The following MAF variants were observed in gnomAD, a reference collection of about 807,000 sequenced individuals.
MAF encodes the protein MAF bZIP transcription factor.
In MAF, 10 loss-of-function variants were observed where a neutral mutation model predicts 22.0. The observed-to-expected ratio is 0.45, with a 90% CI of 0.28 to 0.77. The LOEUF (loss-of-function observed/expected upper bound fraction) is 0.77, where lower values mean the gene tolerates loss of function less well. Ranked by LOEUF, MAF falls within the 30% of genes least tolerant of loss-of-function variation. The probability of loss-of-function intolerance (pLI) is 0.12; values close to 1 mark genes in which losing one functional copy is unlikely to be tolerated. For missense variants in MAF, 544 were observed against 548.4 expected (o/e 0.99, Z 0.08); for synonymous variants, 337 against 255.8 (o/e 1.32, Z -3.03).
At chr16:79,334,228 T>C in the MAF span, among the ~76,000 whole-genome samples, 96,069 of 152,078 alleles carry the variant, frequency 0.63, 33,837 homozygotes, top group Non-Finnish European at 0.8. Flanking sequence ...GGAAAACACA[T>C]TGGGCTGCAG....
the MAF span, among the ~76,000 whole-genome samples, chr16:79,509,844 G>A: frequency 6.6e-6 from 1 of 152,168 alleles, no homozygotes. Context: ...TGCCTCTTCT[G>A]TGTCTACTGG....
chr16:79,277,040 G>C, the MAF span, among the ~76,000 whole-genome samples: 41 of 151,976 alleles, frequency 2.7e-4, no homozygotes, highest in Admixed American at 2.2e-3. Context: ...TTTTAATTTT[G>C]ATTTTTATTG....
At chr16:79,312,161 C>G in the MAF span, among the ~76,000 whole-genome samples, 1 of 152,102 alleles carries the variant, frequency 6.6e-6, no homozygotes, top group Non-Finnish European at 1.5e-5. Flanking sequence ...GTAATACTCA[C>G]TTTTTATACA....
the MAF span, among the ~76,000 whole-genome samples, chr16:79,521,961 A>G: frequency 6.6e-6 from 1 of 152,216 alleles, no homozygotes; most frequent in Non-Finnish European, 1.5e-5. Context: ...CTCCAAGGAG[A>G]TCGACTTCTC....
At chr16:79,428,252 G>C in the MAF span, among the ~76,000 whole-genome samples, 2 of 152,036 alleles carry the variant, frequency 1.3e-5, no homozygotes, top group Admixed American at 1.3e-4. Flanking sequence ...GGGGTTCCCA[G>C]TCTCCCCTCC....
the MAF span, among the ~76,000 whole-genome samples, chr16:79,317,288 C>T: frequency 1.4e-5 from 2 of 144,014 alleles, no homozygotes; most frequent in Admixed American, 6.9e-5. Context: ...TTCCTTCCTT[C>T]CTTTTCTCCC....
the MAF span, among the ~76,000 whole-genome samples, chr16:79,352,945 C>A: frequency 5.9e-5 from 9 of 152,054 alleles, no homozygotes; most frequent in Non-Finnish European, 1.0e-4. Context: ...CATGGAGTAT[C>A]AACTCAATAT....
the MAF span, among the ~76,000 whole-genome samples, chr16:79,541,051 TTAC>T: frequency 6.6e-5 from 10 of 152,134 alleles, no homozygotes; most frequent in South Asian, 2.1e-4. Flanking sequence ...GTTGCTACCA[TTAC>T]TACTATTGAC....
chr16:79,407,273 G>T, the MAF span, among the ~76,000 whole-genome samples: 1 of 152,204 alleles, frequency 6.6e-6, no homozygotes, highest in African/African-American at 2.4e-5. Context: ...ACGGGGGACA[G>T]GGGCCTCTTG....
the MAF span, among the ~76,000 whole-genome samples, chr16:79,460,370 A>G: frequency 1.3e-5 from 2 of 152,214 alleles, no homozygotes; most frequent in Non-Finnish European, 2.9e-5. Context: ...TGTCCCGACA[A>G]TATGTATTAA....
chr16:79,267,457 G>A, the MAF span, among the ~76,000 whole-genome samples: 4 of 152,188 alleles, frequency 2.6e-5, no homozygotes, highest in African/African-American at 9.7e-5. Context: ...AGGAGTGAAT[G>A]GGCCAGTGAA....
At chr16:79,545,842 T>C in the MAF span, among the ~76,000 whole-genome samples, 3 of 152,174 alleles carry the variant, frequency 2.0e-5, no homozygotes, top group East Asian at 1.9e-4. Context: ...CTGGTCACTA[T>C]AGTTAATAAC....
the MAF span, among the ~76,000 whole-genome samples, chr16:79,457,026 C>T: frequency 0.012 from 1,848 of 151,960 alleles, 43 homozygotes; most frequent in African/African-American, 0.042. Context: ...GTAAATGTAA[C>T]CTTGTAGGGA....
the MAF span, among the ~76,000 whole-genome samples, chr16:79,367,213 C>T: frequency 1.3e-5 from 2 of 152,202 alleles, no homozygotes; most frequent in Non-Finnish European, 2.9e-5. Flanking sequence ...TCTATGGGTG[C>T]TTGACTTTGC....
the MAF span, among the ~76,000 whole-genome samples, chr16:79,553,335 C>A: frequency 8.5e-5 from 13 of 152,208 alleles, no homozygotes; most frequent in Admixed American, 8.5e-4. Flanking sequence ...TCCAATGGAG[C>A]CTGGTCTCTC....
intron 1 of MAF, chr16:79,597,718 A>C: frequency 9.8e-7 from 1 of 1,020,410 alleles, no homozygotes; most frequent in Non-Finnish European, 1.2e-6. Context: ...ATGCCATGCT[A>C]TAAGTCTTCG....
chr16:79,589,928 C>A (rs550344377), downstream of MAF, among the ~76,000 whole-genome samples: 21 of 152,268 alleles, frequency 1.4e-4, no homozygotes, highest in South Asian at 3.3e-3. Flanking sequence ...CGCACCGGCT[C>A]CCTGGGCACT....
the MAF span, among the ~76,000 whole-genome samples, chr16:79,542,896 A>G: frequency 4.6e-5 from 7 of 152,210 alleles, no homozygotes; most frequent in Non-Finnish European, 1.0e-4. Context: ...TGGTTTTTAT[A>G]TCATAAGCTA....
the MAF span, among the ~76,000 whole-genome samples, chr16:79,266,753 G>A: frequency 2.0e-5 from 3 of 152,246 alleles, no homozygotes; most frequent in South Asian, 6.2e-4. Flanking sequence ...CATTTTTTGA[G>A]CAACTACTAT....
Sources: gnomAD v4.1 joint callset for allele counts (sites outside exome capture counted in the v4.1 genomes callset) on GRCh38, gnomAD v4.1.1 for gene constraint, MANE v1.5 for transcripts, NCBI Gene and HGNC (gene_info 2026-07-23, HGNC 2026-07-21) for gene names.